The following FANK1 variants were observed in gnomAD, a reference collection of about 807,000 sequenced individuals.
FANK1 encodes the protein fibronectin type III and ankyrin repeat domains 1, also known as fibronectin type 3 and ankyrin repeat domains protein 1.
Under a neutral mutation model 45.3 loss-of-function variants are expected in FANK1, and 44 were observed. The ratio of observed to expected loss-of-function variants is 0.97; its 90% confidence interval spans 0.76 to 1.25. The LOEUF (loss-of-function observed/expected upper bound fraction) is 1.25, where lower values mean the gene tolerates loss of function less well. Ranked by LOEUF, FANK1 falls within the 50% of genes most tolerant of loss-of-function variation. The probability of loss-of-function intolerance (pLI) is 0.00; values close to 1 mark genes in which losing one functional copy is unlikely to be tolerated. For synonymous variants in FANK1, 149 were observed against 152.5 expected (o/e 0.98, Z 0.17); for missense variants, 391 against 424.4 (o/e 0.92, Z 0.69).
At chr10:125,939,190 C>T (rs1385377249) in intron 1 of FANK1, among the ~76,000 whole-genome samples, 5 of 152,180 alleles carry the variant, frequency 3.3e-5, no homozygotes, top group Non-Finnish European at 7.4e-5. Flanking sequence ...GAAAGATGGG[C>T]ATCTGTTCTA....
intron 1 of FANK1, among the ~76,000 whole-genome samples, chr10:125,970,567 C>T (rs1950449475): frequency 6.6e-6 from 1 of 152,232 alleles, no homozygotes; most frequent in African/African-American, 2.4e-5. Context: ...AATCCCGGCG[C>T]CTCGGGAGGC....
intron 1 of FANK1, among the ~76,000 whole-genome samples, chr10:125,899,290 C>T (rs942093148): frequency 6.6e-6 from 1 of 152,220 alleles, no homozygotes; most frequent in Non-Finnish European, 1.5e-5. Context: ...GAACTCCTAA[C>T]TTCAGGTGAT....
At chr10:125,937,386 TCA>T (rs1452011639) in intron 1 of FANK1, among the ~76,000 whole-genome samples, 1 of 152,226 alleles carries the variant, frequency 6.6e-6, no homozygotes, top group Non-Finnish European at 1.5e-5. Context: ...AAGCTGTTTG[TCA>T]TTGTGGTTTT....
intron 1 of FANK1, among the ~76,000 whole-genome samples, chr10:125,960,852 C>T (rs1420655233): frequency 2.0e-5 from 3 of 151,984 alleles, no homozygotes; most frequent in African/African-American, 7.2e-5. Flanking sequence ...CAGTCTTTAT[C>T]AAAATACCAA....
In FANK1 at chr10:125,988,596, G is replaced by C. The variant is rs371738419; in HGVS notation, c.237G>C (p.Thr79=). The change falls in exon 3 of 11, where the codon ACG becomes ACC. Residue 79 remains threonine, a synonymous_variant. Transcript: ENST00000368693. The part of the protein sequence containing the change: ...KHVVEGLEPR[T]LYRFRLKVTS... Reference sequence around the variant, plus strand: ...TTGTTGAAGGTCTGGAACCAAGGACGCTGTACAGATTTCGCCTGAAGGTCA... The same window carrying C: ...TTGTTGAAGGTCTGGAACCAAGGACCCTGTACAGATTTCGCCTGAAGGTCA... The C allele has an allele frequency of 6.2e-7, 1 of 1,614,104 alleles. No individual in the cohort carries two copies. Among genetic ancestry groups the C allele is most frequent in the Non-Finnish European group, 8.5e-7 (1 of 1,180,046 alleles).
At chr10:125,961,781 T>C (rs765305968) in intron 1 of FANK1, among the ~76,000 whole-genome samples, 1 of 152,034 alleles carries the variant, frequency 6.6e-6, no homozygotes, top group Non-Finnish European at 1.5e-5. Context: ...CCCTGTCTTT[T>C]CAAAAAATAA....
intron 1 of FANK1, among the ~76,000 whole-genome samples, chr10:125,952,646 C>G (rs534208059): frequency 6.6e-6 from 1 of 151,858 alleles, no homozygotes; most frequent in Non-Finnish European, 1.5e-5. Flanking sequence ...AAATGTTCCT[C>G]GATGTCTGAG....
chr10:125,968,297 T>C (rs1187460490), intron 1 of FANK1, among the ~76,000 whole-genome samples: 1 of 152,188 alleles, frequency 6.6e-6, no homozygotes, highest in Non-Finnish European at 1.5e-5. Context: ...GCTGTAAATA[T>C]CTGATCAAGC....
At chr10:126,004,604 A>G (rs1159688734) in intron 6 of FANK1, 2 of 348,680 alleles carry the variant, frequency 5.7e-6, no homozygotes, top group East Asian at 6.3e-5. Flanking sequence ...TTTCGTATAA[A>G]TGGAATCAGA....
intron 1 of FANK1, among the ~76,000 whole-genome samples, chr10:125,930,730 T>A (rs1947697438): frequency 6.6e-6 from 1 of 152,116 alleles, no homozygotes; most frequent in Admixed American, 6.5e-5. Context: ...TTTTTAAAAT[T>A]TTCCACAAGT....
At chr10:125,930,421 C>A (rs1252871859) in intron 1 of FANK1, among the ~76,000 whole-genome samples, 1 of 152,046 alleles carries the variant, frequency 6.6e-6, no homozygotes, top group East Asian at 1.9e-4. Flanking sequence ...ACTGCAGCCT[C>A]AACCTCCCTG....
chr10:125,957,233 C>T (rs73368651), intron 1 of FANK1, among the ~76,000 whole-genome samples: 2,307 of 152,262 alleles, frequency 0.015, 58 homozygotes, highest in African/African-American at 0.051. Context: ...AAGAACCTTA[C>T]GACAGTATTC....
At chr10:125,956,778 A>G (rs915808733) in intron 1 of FANK1, among the ~76,000 whole-genome samples, 1 of 152,216 alleles carries the variant, frequency 6.6e-6, no homozygotes, top group African/African-American at 2.4e-5. Flanking sequence ...GCCAGAAGGA[A>G]GATGATTTTA....
At chr10:125,948,404 G>A (rs1948962446) in intron 1 of FANK1, among the ~76,000 whole-genome samples, 1 of 151,930 alleles carries the variant, frequency 6.6e-6, no homozygotes, top group African/African-American at 2.4e-5. Context: ...GAATCAAATA[G>A]ACACAATAAA....
At chr10:125,992,932 A>C (rs983912011) in intron 3 of FANK1, among the ~76,000 whole-genome samples, 2 of 152,188 alleles carry the variant, frequency 1.3e-5, no homozygotes, top group African/African-American at 2.4e-5. Flanking sequence ...ATTTGGTAAG[A>C]ATGGAAGCAT....
chr10:125,903,601 G>C (rs113907288), intron 1 of FANK1, among the ~76,000 whole-genome samples: 1 of 16,652 alleles, frequency 6.0e-5, no homozygotes, highest in Admixed American at 7.5e-4. Flanking sequence ...AAGCTGAGGC[G>C]GGGGGACTGC....
intron 7 of FANK1, among the ~76,000 whole-genome samples, chr10:126,006,084 C>T (rs1452718002): frequency 1.3e-5 from 2 of 152,186 alleles, no homozygotes; most frequent in African/African-American, 2.4e-5. Flanking sequence ...AAGCATGGAA[C>T]TAAAGAATGA....
intron 1 of FANK1, among the ~76,000 whole-genome samples, chr10:125,915,220 G>T (rs1282642807): frequency 6.6e-6 from 1 of 152,040 alleles, no homozygotes; most frequent in Non-Finnish European, 1.5e-5. Context: ...TGTTACATTT[G>T]TTAAAGGGTA....
chr10:125,926,257 A>G (rs112156230), intron 1 of FANK1, among the ~76,000 whole-genome samples: 31 of 152,300 alleles, frequency 2.0e-4, no homozygotes, highest in African/African-American at 6.0e-4. Context: ...GTTTCTCCCA[A>G]TGGTAACATC....
Sources: allele counts gnomAD v4.1 joint callset (sites outside exome capture counted in the v4.1 genomes callset), GRCh38; gene constraint gnomAD v4.1.1; transcripts MANE v1.5; gene names NCBI Gene and HGNC (gene_info 2026-07-23, HGNC 2026-07-21).